The following ZFP36L1 variants were observed in gnomAD, a reference collection of about 807,000 sequenced individuals.
The protein encoded by ZFP36L1 is mRNA decay activator protein ZFP36L1.
Under a neutral mutation model 16.7 loss-of-function variants are expected in ZFP36L1, and 4 were observed. That is an observed-to-expected ratio of 0.24 (90% CI 0.12 to 0.55). ZFP36L1 has a LOEUF of 0.55. Among genes scored for constraint, ZFP36L1 ranks in the 20% least tolerant of loss-of-function variants. The probability of loss-of-function intolerance (pLI) is 0.94; values close to 1 mark genes in which losing one functional copy is unlikely to be tolerated. For synonymous variants in ZFP36L1, 220 were observed against 190.8 expected (o/e 1.15, Z -1.26); for missense variants, 311 against 449.2 (o/e 0.69, Z 2.78).
upstream of ZFP36L1, chr14:68,795,876 C>T (rs1280609773): frequency 1.1e-5 from 7 of 648,334 alleles, no homozygotes; most frequent in Admixed American, 5.8e-5. Flanking sequence ...GCGTCCCCGC[C>T]GCGGTGAGGG....
chr14:68,792,554 G>A (rs1208748518), intron 1 of ZFP36L1, among the ~76,000 whole-genome samples: 5 of 152,234 alleles, frequency 3.3e-5, no homozygotes, highest in South Asian at 2.1e-4. Context: ...GGATCCAGCA[G>A]CACGTTACGT....
Position 68,787,943 on chromosome 14 carries a change from T to TTC in ZFP36L1, c.*1589_*1590insGA, listed in dbSNP as rs1555337140. On this transcript the variant is annotated 3_prime_UTR_variant, in exon 2 of 2. Transcript: ENST00000439696. ...CAAAGGGTTTCTCTTTTTTTTTTTTTCCCCTTTTAGAAGCTATACATAAAA... is the reference window on the plus strand; with the variant it reads ...CAAAGGGTTTCTCTTTTTTTTTTTTTTCCCCCTTTTAGAAGCTATACATAAAA... The TTC allele has an allele frequency of 3.9e-5, 6 of 151,920 alleles. No individual in the cohort carries two copies. The highest frequency in any genetic ancestry group is 2.6e-4 in the Admixed American group (4 of 15,194). 9.4% of individuals were successfully genotyped at this position (151,920 alleles called of 1,614,324 possible).
chr14:68,795,724 A>G (rs3742887), upstream of ZFP36L1: 365,389 of 512,264 alleles, frequency 0.71, 130,747 homozygotes, highest in East Asian at 0.77. Flanking sequence ...CCCGCCGACC[A>G]AGGGTTTGTT....
chr14:68,793,033 C>G lies in ZFP36L1; in HGVS notation c.-95G>C, dbSNP rs777216236. Reference sequence around the variant, plus strand: ...AGCCTCTCCTGTCTGGAGTCCCACACGCCAGTTCCCGGCGCCCCTCGCCTT... The same window carrying G: ...AGCCTCTCCTGTCTGGAGTCCCACAGGCCAGTTCCCGGCGCCCCTCGCCTT... On this transcript the variant is annotated 5_prime_UTR_variant, in exon 1 of 2. Transcript: ENST00000439696. 6.2e-7 allele frequency: 1 copy of G among 1,600,904 alleles called. No homozygotes were observed. Among genetic ancestry groups the G allele is most frequent in the Non-Finnish European group, 8.5e-7 (1 of 1,176,502 alleles).
At chr14:68,795,430 C>CGGGCG (rs1895224282), upstream of ZFP36L1, among the ~76,000 whole-genome samples, 4 of 151,758 alleles carry the variant, frequency 2.6e-5, no homozygotes, top group South Asian at 8.3e-4. Context: ...GGACTGGGAG[C>CGGGCG]GGGCGGGGCC....
At position 68,793,065 on chromosome 14, in the gene ZFP36L1, T is replaced by A. The variant is rs755035700; in HGVS notation, c.-127A>T. 4 of 1,587,890 alleles carry A rather than the reference T, an allele frequency of 2.5e-6. No homozygotes were observed. The highest frequency in any genetic ancestry group is 8.5e-7 in the Non-Finnish European group (1 of 1,171,464). On this transcript the variant is annotated 5_prime_UTR_variant, in exon 1 of 2. Transcript: ENST00000439696. Reference sequence around the variant, plus strand: ...TCCCGGCGCCCCTCGCCTTTCTGACTCCGGGCTGGGGCGCGCAAAGCCCAA... The same window carrying A: ...TCCCGGCGCCCCTCGCCTTTCTGACACCGGGCTGGGGCGCGCAAAGCCCAA...
At chr14:68,793,197 C>T (rs1230917155), upstream of ZFP36L1, 2 of 1,084,552 alleles carry the variant, frequency 1.8e-6, no homozygotes, top group South Asian at 2.8e-5. Context: ...TTGAATCAGC[C>T]ATGCGGTCAG....
intron 1 of ZFP36L1, 68 bp from the exon 2 acceptor site, chr14:68,790,560 C>T: frequency 1.3e-6 from 2 of 1,584,870 alleles, no homozygotes; most frequent in Non-Finnish European, 1.7e-6. Flanking sequence ...ATGGGCAGCC[C>T]CCTACACAAT....
In ZFP36L1 at chr14:68,788,033, C is replaced by T. The variant is rs926570611; in HGVS notation, c.*1500G>A. The T allele has an allele frequency of 1.3e-5, 2 of 152,048 alleles. No individual in the cohort carries two copies. Among genetic ancestry groups the T allele is most frequent in the African/African-American group, 4.8e-5 (2 of 41,290 alleles). 9.4% of individuals were successfully genotyped at this position (152,048 alleles called of 1,614,324 possible). On this transcript the variant is annotated 3_prime_UTR_variant, in exon 2 of 2. Coordinates refer to ENST00000439696, the MANE Select transcript of ZFP36L1 (RefSeq NM_004926.4). ...CATTCTCAGTCCTAGTTGTGAAAGG[C>T]CTAAAGAGAAAGAAACTCAATTTGC...
rs1172197719 is a variant in ZFP36L1, at chr14:68,788,941, TG to T, written c.*591del. On this transcript the variant is annotated 3_prime_UTR_variant, in exon 2 of 2. Coordinates refer to ENST00000439696, the MANE Select transcript of ZFP36L1 (RefSeq NM_004926.4). ...TTCCAAGGGGCAGGGGTGGGGGGGG[TG>T]GGGGGGCGGGTACAGGTGGAGAGGT... The T allele has an allele frequency of 9.4e-4, 3 of 3,204 alleles. No individual in the cohort carries two copies. The Admixed American group carries it at 0.012, about 13-fold the overall frequency. 0.2% of individuals were successfully genotyped at this position (3,204 alleles called of 1,614,324 possible).
upstream of ZFP36L1, chr14:68,793,257 G>C (rs1267774702): frequency 1.8e-6 from 2 of 1,113,598 alleles, no homozygotes; most frequent in East Asian, 5.2e-5. Flanking sequence ...AAGGAAGAAG[G>C]GGGAGGGGAG....
chr14:68,795,940 G>T, upstream of ZFP36L1: 1 of 1,210,628 alleles, frequency 8.3e-7, no homozygotes. Context: ...CAGGTGCCCA[G>T]GGGTGGCGGG....
upstream of ZFP36L1, chr14:68,793,258 G>A: frequency 9.0e-7 from 1 of 1,112,616 alleles, no homozygotes; most frequent in Non-Finnish European, 1.1e-6. Flanking sequence ...AGGAAGAAGG[G>A]GGAGGGGAGA....
At chr14:68,791,242 T>A in intron 1 of ZFP36L1, 1 of 557,106 alleles carries the variant, frequency 1.8e-6, no homozygotes, top group Non-Finnish European at 3.2e-6. Context: ...GCCTTTGCAA[T>A]TAGTCTTTTG....
At chr14:68,792,484 G>T (rs61025486) in intron 1 of ZFP36L1, among the ~76,000 whole-genome samples, 1 of 152,182 alleles carries the variant, frequency 6.6e-6, no homozygotes, top group Admixed American at 6.5e-5. Flanking sequence ...CCACGGGTGG[G>T]TAATGCCGCT....
chr14:68,792,487 A>T (rs1895113238), intron 1 of ZFP36L1, among the ~76,000 whole-genome samples: 1 of 152,236 alleles, frequency 6.6e-6, no homozygotes, highest in East Asian at 1.9e-4. Context: ...CGGGTGGGTA[A>T]TGCCGCTGGA....
In ZFP36L1 at chr14:68,789,731, G is replaced by A. The variant is rs1358807825; in HGVS notation, c.819C>T (p.Ser273=). Residue 273 remains serine, a synonymous_variant, in exon 2 of 2, where the codon TCC becomes TCT. Transcript: ENST00000439696. This position sits in a 1 kb window ranked among gnomAD's most constrained non-coding sequence, Gnocchi z 4.5. ...TGGGCCGGAAGAGGAAGGTGGTCGGGGAGCCACCCCCGGGCAGCCCCATGC... is the reference window on the plus strand; with the variant it reads ...TGGGCCGGAAGAGGAAGGTGGTCGGAGAGCCACCCCCGGGCAGCCCCATGC... ...APSMGLPGGG[S]PTTFLFRPMS... is the part of the protein sequence containing the mutation. 1.2e-6 allele frequency: 2 copies of A among 1,613,926 alleles called. No individual in the cohort carries two copies. Among genetic ancestry groups the A allele is most frequent in the Admixed American group, 3.3e-5 (2 of 60,004 alleles).
chr14:68,795,723 C>T, upstream of ZFP36L1: 1 of 513,700 alleles, frequency 1.9e-6, no homozygotes, highest in South Asian at 1.4e-5. Flanking sequence ...CCCCGCCGAC[C>T]AAGGGTTTGT....
Position 68,789,972 on chromosome 14 carries a change from G to T in ZFP36L1, c.578C>A (p.Ala193Asp), listed in dbSNP as rs780614338. 2 of 1,606,592 alleles carry T rather than the reference G, an allele frequency of 1.2e-6. No individual in the cohort carries two copies. Among genetic ancestry groups the T allele is most frequent in the African/African-American group, 2.7e-5 (2 of 74,734 alleles). Residue 193 changes from alanine (A) to aspartate (D), a missense_variant, in exon 2 of 2, where the codon GCT (alanine) becomes GAT (aspartate). Coordinates refer to ENST00000439696, the MANE Select transcript of ZFP36L1 (RefSeq NM_004926.4). This position sits in a 1 kb window ranked among gnomAD's most constrained non-coding sequence, Gnocchi z 4.5. The stretch of plus-strand genomic sequence containing the variant: ...GCTATGCTGGAGGCGGGGACGGTCA[G>T]CGGAGAGGTCCCGGGCCCCGGCCAG... ...RALAGARDLS[A>D]DRPRLQHSFS... is the part of the protein sequence containing the mutation.
Sources: gnomAD v4.1 joint callset for allele counts (sites outside exome capture counted in the v4.1 genomes callset) on GRCh38, gnomAD v4.1.1 for gene constraint, Gnocchi (gnomAD v3.1) non-coding constraint, MANE v1.5 for transcripts, NCBI Gene and HGNC (gene_info 2026-07-23, HGNC 2026-07-21) for gene names.